MYH9: variants seen among roughly 807,000 people sequenced by gnomAD.
MYH9 encodes myosin-9.
Under a neutral mutation model 241.9 loss-of-function variants are expected in MYH9, and 29 were observed. The observed-to-expected ratio is 0.12, with a 90% CI of 0.09 to 0.16. MYH9 has a LOEUF of 0.16. MYH9 is among the 10% of genes least tolerant of loss of function. The pLI is 1.00. For synonymous variants in MYH9, 1,047 were observed against 1,062.6 expected (o/e 0.99, Z 0.29); for missense variants, 1,803 against 2,595.5 (o/e 0.69, Z 6.63).
intron 11 of MYH9, among the ~76,000 whole-genome samples, chr22:36,317,988 C>T (rs1460414362): frequency 6.6e-6 from 1 of 152,278 alleles, no homozygotes; most frequent in Non-Finnish European, 1.5e-5. Context: ...CAGGATGGCA[C>T]TTCCTGGGCG....
rs36028454 is a variant in MYH9, at chr22:36,347,801, C to CA, written c.333+1102dup. Among the ~76,000 whole-genome samples, 360 of 47,032 alleles carry CA rather than the reference C, an allele frequency of 7.7e-3. 3 individuals carry two copies. The highest frequency in any genetic ancestry group is 0.026 in the South Asian group (43 of 1,672). The allele number at this position is 47,032 out of a possible 152,430, so 30.9% of individuals were successfully genotyped here. ...TGGCCAATTAAAAAAGACCCTGTCT[C>CA]AAAAAAAAAAAAAAAAAACAATAGT... On this transcript the variant is annotated intron_variant, in intron 2 of 40. Coordinates refer to ENST00000216181, the MANE Select transcript of MYH9 (RefSeq NM_002473.6).
At chr22:36,332,210 G>A (rs1009944833) in intron 3 of MYH9, among the ~76,000 whole-genome samples, 16 of 152,208 alleles carry the variant, frequency 1.1e-4, no homozygotes, top group African/African-American at 2.9e-4. Flanking sequence ...CTCTCATGAC[G>A]AGAAGCTCTG....
chr22:36,342,631 CAAAAAA>C (rs77958833), intron 2 of MYH9, among the ~76,000 whole-genome samples: 1 of 138,994 alleles, frequency 7.2e-6, no homozygotes, highest in African/African-American at 2.7e-5. Context: ...TTTCCCCCAC[CAAAAAA>C]AAAAAAAAGA....
chr22:36,371,215 T>G (rs1358417404), intron 1 of MYH9, among the ~76,000 whole-genome samples: 1 of 152,224 alleles, frequency 6.6e-6, no homozygotes, highest in Non-Finnish European at 1.5e-5. Flanking sequence ...TACCGCAGAA[T>G]GTGACTGGTA....
chr22:36,285,979 C>G lies in MYH9; in HGVS notation c.5062-26G>C, dbSNP rs778442559. The G allele has an allele frequency of 1.2e-6, 2 of 1,607,486 alleles. No homozygotes were observed. Among genetic ancestry groups the G allele is most frequent in the Non-Finnish European group, 1.7e-6 (2 of 1,179,846 alleles). On this transcript the variant is annotated intron_variant, in intron 35 of 40. Transcript: ENST00000216181. This position sits in a 1 kb window ranked among gnomAD's most constrained non-coding sequence, Gnocchi z 7.0. ...CTGCCACAAAGACCCAGAGTGTGAC[C>G]TAAAGGCAGCCACAGCCCCACAAGA...
intron 31 of MYH9, among the ~76,000 whole-genome samples, chr22:36,290,052 C>T (rs1872791819): frequency 6.6e-6 from 1 of 152,118 alleles, no homozygotes; most frequent in African/African-American, 2.4e-5. Context: ...TCTATCCTGC[C>T]CCCGAGTCCA....
chr22:36,377,603 T>A (rs1285576101), intron 1 of MYH9, among the ~76,000 whole-genome samples: 1 of 152,094 alleles, frequency 6.6e-6, no homozygotes, highest in East Asian at 1.9e-4. Flanking sequence ...GTTGGATAAA[T>A]ACGAAATCTC....
intron 1 of MYH9, among the ~76,000 whole-genome samples, chr22:36,354,032 C>T (rs908827384): frequency 6.6e-6 from 1 of 152,174 alleles, no homozygotes; most frequent in Non-Finnish European, 1.5e-5. Context: ...TCCCGAGTAG[C>T]TGGCACTACA....
rs1007346609 is a variant in MYH9 at position 36,288,205 on chromosome 22, C to T, written c.4932+47G>A. ...CCCTGGCACCTTCATATGTAGTTGG[C>T]TCAGTCGGGTGCCGCCCACCCTCAC... On this transcript the variant is annotated intron_variant, in intron 34 of 40. Transcript: ENST00000216181. This position sits in a 1 kb window ranked among gnomAD's most constrained non-coding sequence, Gnocchi z 4.8. 9.3e-6 allele frequency: 15 copies of T among 1,609,508 alleles called. No individual in the cohort carries two copies. The highest frequency in any genetic ancestry group is 1.2e-5 in the Non-Finnish European group (14 of 1,179,364).
chr22:36,321,826 G>A lies in MYH9; in HGVS notation c.706-5C>T. The A allele has an allele frequency of 1.2e-6, 2 of 1,613,658 alleles. No individual in the cohort carries two copies. Among genetic ancestry groups the A allele is most frequent in the Non-Finnish European group, 1.7e-6 (2 of 1,179,612 alleles). ...GTTGATGCGAATGAATTTGCCCTAA[G>A]TAAGAAAGGATAGCAAGAGATCAGA... On this transcript the variant is annotated splice_region_variant and splice_polypyrimidine_tract_variant and intron_variant, in intron 6 of 40. Transcript: ENST00000216181.
At chr22:36,378,403 C>T (rs559203964) in intron 1 of MYH9, among the ~76,000 whole-genome samples, 24 of 152,274 alleles carry the variant, frequency 1.6e-4, no homozygotes, top group African/African-American at 5.8e-4. Context: ...GGAGAAAAGG[C>T]GGGGGGTCTG....
chr22:36,308,107 C>A (rs1407481576), intron 15 of MYH9, among the ~76,000 whole-genome samples: 4 of 152,094 alleles, frequency 2.6e-5, no homozygotes, highest in African/African-American at 9.7e-5. Flanking sequence ...GTTGAATGAA[C>A]ACACAGATGC....
At chr22:36,364,499 G>T (rs2017979679) in intron 1 of MYH9, among the ~76,000 whole-genome samples, 1 of 152,010 alleles carries the variant, frequency 6.6e-6, no homozygotes, top group Non-Finnish European at 1.5e-5. Context: ...CATGACTATG[G>T]TGTGGCTCAT....
intron 1 of MYH9, among the ~76,000 whole-genome samples, chr22:36,384,992 G>C (rs2018329590): frequency 6.6e-6 from 1 of 152,168 alleles, no homozygotes; most frequent in Middle Eastern, 3.4e-3. Context: ...GAGAGGCAGT[G>C]ACTCTCTGGG....
intron 3 of MYH9, among the ~76,000 whole-genome samples, chr22:36,331,281 G>A (rs1164620810): frequency 6.6e-6 from 1 of 152,172 alleles, no homozygotes; most frequent in East Asian, 1.9e-4. Context: ...GTCCTCACCC[G>A]CCTGCTGTCT....
chr22:36,384,484 G>A (rs143414052), intron 1 of MYH9, among the ~76,000 whole-genome samples: 6,897 of 145,876 alleles, frequency 0.047, 231 homozygotes, highest in Non-Finnish European at 0.072. Context: ...TCGGGAGGCT[G>A]AGGCAGGAGA....
At chr22:36,340,443 C>G (rs899662791) in intron 3 of MYH9, among the ~76,000 whole-genome samples, 2 of 151,632 alleles carry the variant, frequency 1.3e-5, no homozygotes, top group Non-Finnish European at 2.9e-5. Context: ...GGTGGATCAC[C>G]TGAGGTCAGG....
At position 36,321,741 on chromosome 22, in the gene MYH9, A is replaced by T. The variant is rs777048217; in HGVS notation, c.769+17T>A. 1.1e-5 allele frequency: 17 copies of T among 1,612,722 alleles called. No individual in the cohort carries two copies. The highest frequency in any genetic ancestry group is 1.4e-5 in the Non-Finnish European group (17 of 1,178,674). ...CTCCGGATCCAGGACTCTTATCCCA[A>T]CGAACCACAAGGATACAAGTCTCAA... On this transcript the variant is annotated intron_variant, in intron 7 of 40. Coordinates refer to ENST00000216181, the MANE Select transcript of MYH9 (RefSeq NM_002473.6).
chr22:36,376,251 G>A (rs368641137), intron 1 of MYH9, among the ~76,000 whole-genome samples: 3 of 152,036 alleles, frequency 2.0e-5, no homozygotes, highest in Non-Finnish European at 2.9e-5. Flanking sequence ...GTGAGCCACC[G>A]TGTCCGGCCA....
Sources: allele counts gnomAD v4.1 joint callset (sites outside exome capture counted in the v4.1 genomes callset), GRCh38; gene constraint gnomAD v4.1.1; non-coding constraint Gnocchi (gnomAD v3.1); transcripts MANE v1.5; gene names NCBI Gene and HGNC (gene_info 2026-07-23, HGNC 2026-07-21).